CTSE: variants seen among roughly 807,000 people sequenced by gnomAD.
CTSE encodes the protein erythrocyte membrane aspartic proteinase.
A neutral mutation model predicts 42.8 loss-of-function variants in CTSE; 43 were observed. The observed-to-expected ratio is 1.01, with a 90% CI of 0.79 to 1.30. The LOEUF (loss-of-function observed/expected upper bound fraction) is 1.30, where lower values mean the gene tolerates loss of function less well. Among genes scored for constraint, CTSE ranks in the 50% most tolerant of loss-of-function variants. CTSE has a pLI of 0.00. For synonymous variants in CTSE, 205 were observed against 191.5 expected (o/e 1.07, Z -0.58); for missense variants, 532 against 493.5 (o/e 1.08, Z -0.74).
intron 3 of CTSE, 184 bp from the exon 4 acceptor site, chr1:206,021,351 G>T (rs1404277765): frequency 1.3e-5 from 8 of 595,920 alleles, no homozygotes; most frequent in Non-Finnish European, 2.1e-5. Flanking sequence ...AGCTACAGAT[G>T]TGGCCTAACT....
In CTSE at chr1:206,016,148, A is replaced by G; in HGVS notation, c.463-18T>C. On this transcript the variant is annotated intron_variant, in intron 4 of 8. Transcript: ENST00000358184. ...CCTTCCACCTGGTAGGAGAAAGCCC[A>G]CAGGAGAACAGGAGAATGGCACAGG... 1 of 1,607,100 alleles carries G rather than the reference A, an allele frequency of 6.2e-7. No homozygotes were observed. The highest frequency in any genetic ancestry group is 8.5e-7 in the Non-Finnish European group (1 of 1,174,168).
Position 206,013,837 on chromosome 1 carries a change from A to G in CTSE, c.720T>C (p.His240=), listed in dbSNP as rs782225396. ...GGACCCAATTCAGGCTCCCAGAGAA[A>G]TGGGAGTGGTCGTAGCCTCCAAAAA... ...ELIFGGYDHS[H]FSGSLNWVPV... The change falls in exon 6 of 9, where the codon CAT becomes CAC. Residue 240 remains histidine (H), a synonymous_variant. Coordinates refer to ENST00000358184, the MANE Select transcript of CTSE (RefSeq NM_001910.4). The G allele has an allele frequency of 1.2e-6, 2 of 1,613,668 alleles. No homozygotes were observed. Among genetic ancestry groups the G allele is most frequent in the Admixed American group, 3.3e-5 (2 of 59,990 alleles).
At position 206,012,374 on chromosome 1, in the gene CTSE, C is replaced by T. The variant is rs2102266372; in HGVS notation, c.960G>A (p.Met320Ile). 1.2e-6 allele frequency: 2 copies of T among 1,613,948 alleles called. No homozygotes were observed. The highest frequency in any genetic ancestry group is 4.5e-5 in the East Asian group (2 of 44,888). ...CGTTAATGGTGAAGGTGACATCCGGCATGACGTTAAGGTTGGCACACTCCA... is the reference window on the plus strand; with the variant it reads ...CGTTAATGGTGAAGGTGACATCCGGTATGACGTTAAGGTTGGCACACTCCA... ...YAVECANLNV[M>I]PDVTFTINGV... The change falls in exon 8 of 9, where the codon ATG becomes ATA. Residue 320 changes from methionine to isoleucine, a missense_variant. Physicochemically the swap from Met to Ile is conservative, Grantham distance 10. Transcript: ENST00000358184.
chr1:206,018,679 G>A (rs1483602803), intron 4 of CTSE, among the ~76,000 whole-genome samples: 12 of 151,912 alleles, frequency 7.9e-5, no homozygotes, highest in African/African-American at 2.7e-4. Flanking sequence ...TCTGAAAATT[G>A]TAAAATTTAT....
rs868987574 is a variant in CTSE at position 206,013,889 on chromosome 1, G to A, written c.668C>T (p.Pro223Leu). Reference sequence around the variant, plus strand: ...CAGCTCGCTCCCCGCACCACCTTCTGGGTTACTACATGGAGAGAAAGACAA... The same window carrying A: ...CAGCTCGCTCCCCGCACCACCTTCTAGGTTACTACATGGAGAGAAAGACAA... ...PMFSVYMSSN[P>L]EGGAGSELIF... The change falls in exon 6 of 9, where the codon CCA (proline) becomes CTA (leucine). Residue 223 changes from proline (P) to leucine (L), a missense_variant. Transcript: ENST00000358184. 6.2e-7 allele frequency: 1 copy of A among 1,613,672 alleles called. No individual in the cohort carries two copies. Among genetic ancestry groups the A allele is most frequent in the African/African-American group, 1.3e-5 (1 of 75,016 alleles).
Position 206,016,169 on chromosome 1 carries a change from A to G in CTSE, c.463-39T>C, listed in dbSNP as rs781976197. 7.9e-5 allele frequency: 125 copies of G among 1,586,340 alleles called. 1 individual carries two copies. The South Asian group carries it at 8.7e-4, about 11-fold the overall frequency. On this transcript the variant is annotated intron_variant, in intron 4 of 8. Coordinates refer to ENST00000358184, the MANE Select transcript of CTSE (RefSeq NM_001910.4). ...GCCCACAGGAGAACAGGAGAATGGC[A>G]CAGGGGATTGCTGGCAAAGGGTTTG... is the stretch of plus-strand genomic sequence containing the variant.
intron 5 of CTSE, among the ~76,000 whole-genome samples, chr1:206,014,651 A>G (rs1661212787): frequency 6.6e-6 from 1 of 152,048 alleles, no homozygotes; most frequent in African/African-American, 2.4e-5. Flanking sequence ...ACTCACATCA[A>G]CCTAGTGGTC....
rs782043000 is a variant in CTSE at position 206,010,021 on chromosome 1, G to T, written c.*162C>A. 5.8e-6 allele frequency: 4 copies of T among 690,816 alleles called. No individual in the cohort carries two copies. The highest frequency in any genetic ancestry group is 1.7e-5 in the South Asian group (1 of 57,630). The allele number at this position is 690,816 out of a possible 1,614,324, so 42.8% of individuals were successfully genotyped here. A position where few individuals can be genotyped will look rare whatever the true frequency, so the allele number is the denominator to read the frequency against. On this transcript the variant is annotated 3_prime_UTR_variant, in exon 9 of 9. Coordinates refer to ENST00000358184, the MANE Select transcript of CTSE (RefSeq NM_001910.4). ...GAAGTGTGTGTGTGTGTATATGTGT[G>T]TGTGTGTGTGTATTCTCATGTTCTG...
intron 6 of CTSE, 27 bp downstream of exon 6, chr1:206,013,745 T>A (rs1661183393): frequency 6.2e-7 from 1 of 1,610,952 alleles, no homozygotes; most frequent in African/African-American, 1.3e-5. Context: ...CCCCTAGTAC[T>A]GTCACTACTT....
chr1:206,017,621 C>T (rs1553277840), intron 4 of CTSE, among the ~76,000 whole-genome samples: 1 of 151,986 alleles, frequency 6.6e-6, no homozygotes, highest in Admixed American at 6.6e-5. Flanking sequence ...TCCTGAGTAG[C>T]TGGGACTACA....
chr1:206,018,536 C>A (rs565108055), intron 4 of CTSE, among the ~76,000 whole-genome samples: 61 of 151,914 alleles, frequency 4.0e-4, no homozygotes, highest in Non-Finnish European at 7.8e-4. Flanking sequence ...ATCAGTGAGG[C>A]TTTTCTTCGT....
intron 4 of CTSE, among the ~76,000 whole-genome samples, chr1:206,018,448 G>C (rs1553277931): frequency 6.6e-6 from 1 of 151,968 alleles, no homozygotes; most frequent in South Asian, 2.1e-4. Flanking sequence ...CATAAAATGA[G>C]TTATAAAGTG....
At chr1:206,014,591 C>A (rs1553277539) in intron 5 of CTSE, among the ~76,000 whole-genome samples, 1 of 151,986 alleles carries the variant, frequency 6.6e-6, no homozygotes, top group African/African-American at 2.4e-5. Flanking sequence ...TTGTTGATTA[C>A]CTTGGTGCAA....
At chr1:206,015,056 G>T (rs891230098) in intron 5 of CTSE, among the ~76,000 whole-genome samples, 1 of 152,042 alleles carries the variant, frequency 6.6e-6, no homozygotes, top group Non-Finnish European at 1.5e-5. Flanking sequence ...ACCCTCCAAG[G>T]ATGCCGGGCA....
At chr1:206,011,467 T>A (rs1661097613) in intron 8 of CTSE, among the ~76,000 whole-genome samples, 1 of 152,022 alleles carries the variant, frequency 6.6e-6, no homozygotes, top group South Asian at 2.1e-4. Flanking sequence ...TGGTCCTCAG[T>A]GTGGTGTTCA....
intron 8 of CTSE, 52 bp from the exon 9 acceptor site, chr1:206,010,399 G>C: frequency 6.7e-7 from 1 of 1,488,324 alleles, no homozygotes; most frequent in Non-Finnish European, 9.4e-7. Flanking sequence ...GAAGGTAGTA[G>C]TACTGCCTGG....
chr1:206,019,562 G>A (rs1553278088), intron 4 of CTSE, among the ~76,000 whole-genome samples: 1 of 151,818 alleles, frequency 6.6e-6, no homozygotes, highest in African/African-American at 2.4e-5. Flanking sequence ...TACGTGACAA[G>A]CTATAGGCTT....
rs1199333611 is a variant in CTSE, at chr1:206,010,222, A to G, written c.1152T>C (p.Arg384=). Residue 384 remains arginine (R), a synonymous_variant, in exon 9 of 9, where the codon CGT becomes CGC. Coordinates refer to ENST00000358184, the MANE Select transcript of CTSE (RefSeq NM_001910.4). ...GGGCCAGTCCCACACGGTTATTCCC[A>G]CGGTCAAAGACTGAGTAAAACTGTC... ...FIRQFYSVFD[R]GNNRVGLAPA... The G allele has an allele frequency of 8.7e-6, 14 of 1,613,662 alleles. 1 individual carries two copies. The highest frequency in any genetic ancestry group is 1.1e-5 in the Non-Finnish European group (13 of 1,179,818).
chr1:206,016,546 A>G (rs1240071615), intron 4 of CTSE, among the ~76,000 whole-genome samples: 1 of 152,028 alleles, frequency 6.6e-6, no homozygotes, highest in South Asian at 2.1e-4. Flanking sequence ...ACATTTTCTC[A>G]TGTTTTCTTC....
Sources: allele counts gnomAD v4.1 joint callset (sites outside exome capture counted in the v4.1 genomes callset), GRCh38; gene constraint gnomAD v4.1.1; transcripts MANE v1.5; gene names NCBI Gene and HGNC (gene_info 2026-07-23, HGNC 2026-07-21).